Variants in SCHIP1 observed in about 807,000 individuals in gnomAD.
The protein encoded by SCHIP1 is schwannomin interacting protein 1.
A neutral mutation model predicts 29.7 loss-of-function variants in SCHIP1; 8 were observed. The ratio of observed to expected loss-of-function variants is 0.27; its 90% confidence interval spans 0.16 to 0.49. The LOEUF (loss-of-function observed/expected upper bound fraction) is 0.49. Among genes scored for constraint, SCHIP1 ranks in the 20% least tolerant of loss-of-function variants. The pLI is 0.99. For missense variants in SCHIP1, 193 were observed against 294.6 expected (o/e 0.66, Z 2.52); for synonymous variants, 76 against 94.9 (o/e 0.80, Z 1.16).
the SCHIP1 span, among the ~76,000 whole-genome samples, chr3:159,631,140 A>T: frequency 1.3e-5 from 2 of 152,048 alleles, no homozygotes; most frequent in African/African-American, 4.8e-5. Flanking sequence ...TACTTAACAC[A>T]TGCTAGGATG....
chr3:159,441,260 G>C, the SCHIP1 span, among the ~76,000 whole-genome samples: 1 of 152,064 alleles, frequency 6.6e-6, no homozygotes, highest in Non-Finnish European at 1.5e-5. Flanking sequence ...TTCATTTGTG[G>C]ATTGTTTTTA....
chr3:159,298,647 A>G, the SCHIP1 span, among the ~76,000 whole-genome samples: 2 of 152,210 alleles, frequency 1.3e-5, no homozygotes, highest in Non-Finnish European at 2.9e-5. Flanking sequence ...TTTGCAGATC[A>G]GATCTGCACC....
chr3:159,650,392 T>C, the SCHIP1 span, among the ~76,000 whole-genome samples: 1 of 152,142 alleles, frequency 6.6e-6, no homozygotes, highest in Non-Finnish European at 1.5e-5. Flanking sequence ...CAAAATAAAA[T>C]TGTTGTAGAA....
the SCHIP1 span, among the ~76,000 whole-genome samples, chr3:159,336,156 C>G: frequency 1.3e-5 from 2 of 152,154 alleles, no homozygotes; most frequent in Admixed American, 1.3e-4. Context: ...TGAGAAGTGT[C>G]TGTTCATATC....
chr3:159,274,234 T>C, the SCHIP1 span: 1 of 985,398 alleles, frequency 1.0e-6, no homozygotes, highest in Non-Finnish European at 1.2e-6. Flanking sequence ...TTGCCCTTTG[T>C]ATGCACAAGA....
At chr3:159,874,016 G>A (rs905847459) in intron 2 of SCHIP1, among the ~76,000 whole-genome samples, 1 of 152,100 alleles carries the variant, frequency 6.6e-6, no homozygotes, top group African/African-American at 2.4e-5. Context: ...TAGCTGCTGT[G>A]GGAACACAAG....
chr3:159,621,806 C>G, the SCHIP1 span, among the ~76,000 whole-genome samples: 208 of 152,262 alleles, frequency 1.4e-3, 1 homozygote, highest in Middle Eastern at 0.01. Context: ...GCTTGGATTA[C>G]AGGTGCCCAT....
the SCHIP1 span, chr3:159,765,232 G>T: frequency 8.7e-4 from 1,194 of 1,375,392 alleles, 10 homozygotes; most frequent in African/African-American, 0.017. Flanking sequence ...CCGCCCGCCC[G>T]CGGCCCCATT....
At chr3:159,346,545 A>G in the SCHIP1 span, among the ~76,000 whole-genome samples, 1 of 152,202 alleles carries the variant, frequency 6.6e-6, no homozygotes, top group Non-Finnish European at 1.5e-5. Context: ...AAAAGAGAGC[A>G]GTTTTAAGAA....
chr3:159,676,320 C>T, the SCHIP1 span, among the ~76,000 whole-genome samples: 2 of 152,168 alleles, frequency 1.3e-5, no homozygotes, highest in Admixed American at 6.5e-5. Context: ...TGAAGATAAA[C>T]AGTGGTATTC....
chr3:159,824,365 G>A, the SCHIP1 span, among the ~76,000 whole-genome samples: 53 of 152,292 alleles, frequency 3.5e-4, no homozygotes, highest in African/African-American at 1.3e-3. Context: ...TTGAGATGAG[G>A]AAAGAAATAA....
the SCHIP1 span, among the ~76,000 whole-genome samples, chr3:159,828,016 T>C: frequency 1.3e-5 from 2 of 151,904 alleles, no homozygotes; most frequent in African/African-American, 4.8e-5. Flanking sequence ...TCAATTGAAA[T>C]CTAATTTTTT....
chr3:159,407,078 A>G, the SCHIP1 span, among the ~76,000 whole-genome samples: 2 of 152,180 alleles, frequency 1.3e-5, no homozygotes, highest in African/African-American at 2.4e-5. Flanking sequence ...AAACTCTCCA[A>G]TGAAAAGACA....
chr3:159,411,709 G>C, the SCHIP1 span, among the ~76,000 whole-genome samples: 4 of 152,134 alleles, frequency 2.6e-5, no homozygotes, highest in African/African-American at 4.8e-5. Flanking sequence ...GCCATTATCT[G>C]GACTTTCATA....
chr3:159,629,399 C>T, the SCHIP1 span, among the ~76,000 whole-genome samples: 2 of 152,212 alleles, frequency 1.3e-5, no homozygotes. Flanking sequence ...CACCCTGTCC[C>T]ATTTTGGTAC....
the SCHIP1 span, among the ~76,000 whole-genome samples, chr3:159,308,157 C>T: frequency 2.0e-5 from 3 of 151,990 alleles, no homozygotes; most frequent in East Asian, 3.9e-4. Context: ...CTGTAAATTG[C>T]TTTCAGCAGT....
the SCHIP1 span, among the ~76,000 whole-genome samples, chr3:159,704,737 A>G: frequency 3.3e-5 from 5 of 152,188 alleles, no homozygotes; most frequent in Non-Finnish European, 7.3e-5. Flanking sequence ...AGATTATGTT[A>G]TTGAGGCCAA....
At chr3:159,479,053 C>T in the SCHIP1 span, among the ~76,000 whole-genome samples, 1 of 151,972 alleles carries the variant, frequency 6.6e-6, no homozygotes, top group Non-Finnish European at 1.5e-5. Context: ...TTTTCTCTTG[C>T]CTAATATGCA....
At position 159,891,769 on chromosome 3, in the gene SCHIP1, T is replaced by G. The variant is rs375952384; in HGVS notation, c.590-328T>G. Among the ~76,000 whole-genome samples, 44 of 152,294 alleles carry G rather than the reference T, an allele frequency of 2.9e-4. 1 individual carries two copies. Among genetic ancestry groups the G allele is most frequent in the African/African-American group, 1.1e-3 (44 of 41,578 alleles). On this transcript the variant is annotated intron_variant, in intron 5 of 6. Coordinates refer to ENST00000445224, the Ensembl canonical transcript of SCHIP1. ...CCCTGAAGCTGAAGGGTGGAAAACT[T>G]AATGTGCTCCAGGCTTTGCTGTTCA...
Sources: gnomAD v4.1 joint callset for allele counts (sites outside exome capture counted in the v4.1 genomes callset) on GRCh38, gnomAD v4.1.1 for gene constraint, MANE v1.5 for transcripts, NCBI Gene and HGNC (gene_info 2026-07-23, HGNC 2026-07-21) for gene names.